SPRY3: variants seen among roughly 807,000 people sequenced by gnomAD.
SPRY3 encodes the protein sprouty RTK signaling antagonist 3.
A neutral mutation model predicts 20.2 loss-of-function variants in SPRY3; 15 were observed. The observed-to-expected ratio is 0.74, with a 90% CI of 0.50 to 1.14. The LOEUF is 1.14. Ranked by LOEUF, SPRY3 falls within the 50% of genes most tolerant of loss-of-function variation. SPRY3 has a pLI of 0.00. For missense variants in SPRY3, 364 were observed against 363.9 expected (o/e 1.00, Z 0.00); for synonymous variants, 143 against 136.5 (o/e 1.05, Z -0.33).
intron 2 of SPRY3, among the ~76,000 whole-genome samples, chrX:155,747,930 G>A (rs983266088): frequency 1.7e-4 from 26 of 151,790 alleles, no homozygotes; most frequent in African/African-American, 4.8e-4. Context: ...CTCTAAAAAT[G>A]TCTAAATACT....
intron 1 of SPRY3, among the ~76,000 whole-genome samples, chrX:155,613,834 G>A (rs2067840568): frequency 1.8e-5 from 2 of 110,943 alleles, no homozygotes; most frequent in African/African-American, 6.6e-5. Flanking sequence ...ATGCCCAATG[G>A]ATCTCGTACA....
chrX:155,760,099 G>A (rs985237313), intron 2 of SPRY3, among the ~76,000 whole-genome samples: 5 of 152,202 alleles, frequency 3.3e-5, no homozygotes, highest in Non-Finnish European at 7.3e-5. Context: ...TGAGCCCCTT[G>A]AGGGCAGAGC....
chrX:155,732,912 G>A (rs894373693), intron 2 of SPRY3, among the ~76,000 whole-genome samples: 12 of 151,802 alleles, frequency 7.9e-5, no homozygotes, highest in African/African-American at 2.4e-4. Flanking sequence ...GACAATCTTC[G>A]CTTTCATTTT....
intron 2 of SPRY3, among the ~76,000 whole-genome samples, chrX:155,672,554 G>A (rs1472693895): frequency 1.8e-5 from 2 of 110,909 alleles, no homozygotes; most frequent in Non-Finnish European, 3.8e-5. Context: ...TCATTAAAAA[G>A]TCAGGAAACA....
Position 155,697,182 on chromosome X carries a change from T to C in SPRY3, c.-282+40157T>C, listed in dbSNP as rs192521690. Among the ~76,000 whole-genome samples, 115 of 111,361 alleles carry C rather than the reference T, an allele frequency of 1.0e-3. 1 individual carries two copies. The highest frequency in any genetic ancestry group is 1.3e-3 in the Non-Finnish European group (68 of 53,033). ...GACATGAGGTTAGCATTAGAATTGT[T>C]AGACTGAATAAAAATATTGCCCTTC... On this transcript the variant is annotated intron_variant, in intron 2 of 3. Coordinates refer to ENST00000675360, the Ensembl canonical transcript of SPRY3.
chrX:155,678,550 A>G (rs1406503175), intron 2 of SPRY3, among the ~76,000 whole-genome samples: 1 of 111,659 alleles, frequency 9.0e-6, no homozygotes, highest in Admixed American at 9.5e-5. Context: ...AGAGCTCCCA[A>G]ATCAGCCCTT....
chrX:155,780,367 C>T (rs1261680315), downstream of SPRY3: 2 of 166,874 alleles, frequency 1.2e-5, no homozygotes, highest in Admixed American at 6.6e-5. Flanking sequence ...TGGGGTTGAC[C>T]ATATGTGAAC....
intron 2 of SPRY3, among the ~76,000 whole-genome samples, chrX:155,751,940 A>AAAT (rs1438226227): frequency 5.0e-5 from 2 of 40,216 alleles, no homozygotes; most frequent in Admixed American, 2.7e-4. Flanking sequence ...AAATAAAATA[A>AAAT]AATAAAATAA....
intron 1 of SPRY3, among the ~76,000 whole-genome samples, chrX:155,620,965 C>T (rs2067869152): frequency 8.9e-6 from 1 of 111,873 alleles, no homozygotes; most frequent in Non-Finnish European, 1.9e-5. Flanking sequence ...ACTGGTGTGA[C>T]GAGGAAACCT....
intron 2 of SPRY3, among the ~76,000 whole-genome samples, chrX:155,766,571 T>C (rs1387756430): frequency 3.9e-5 from 6 of 152,194 alleles, no homozygotes; most frequent in Non-Finnish European, 8.8e-5. Context: ...TCCATTGAAA[T>C]AGGACTTGAA....
At chrX:155,736,100 C>A (rs2091167379) in intron 2 of SPRY3, among the ~76,000 whole-genome samples, 1 of 151,930 alleles carries the variant, frequency 6.6e-6, no homozygotes, top group Admixed American at 6.6e-5. Flanking sequence ...AAAAAATATT[C>A]CTAGTTCCTC....
intron 2 of SPRY3, among the ~76,000 whole-genome samples, chrX:155,753,645 A>C (rs2091272785): frequency 1.3e-5 from 2 of 151,878 alleles, no homozygotes; most frequent in Admixed American, 1.3e-4. Context: ...TTTCAAGAAA[A>C]TTCCAAACTG....
At chrX:155,686,264 T>C (rs373411651) in intron 2 of SPRY3, among the ~76,000 whole-genome samples, 25 of 111,738 alleles carry the variant, frequency 2.2e-4, no homozygotes, top group Non-Finnish European at 4.5e-4. Context: ...TGGCATCTAT[T>C]GTCCTTTCCC....
rs183388072 is a variant in SPRY3 at position 155,768,479 on chromosome X, C to T, written c.-107+343C>T. Among the ~76,000 whole-genome samples the T allele has an allele frequency of 3.9e-5, 6 of 152,126 alleles. 1 individual carries two copies. Among genetic ancestry groups the T allele is most frequent in the Admixed American group, 3.9e-4 (6 of 15,268 alleles). ...CCCCTCAAAACGCAGCCTAACCACC[C>T]AAGCTGAGGACAGAGAGAGAGCCCG... On this transcript the variant is annotated intron_variant, in intron 3 of 3. Transcript: ENST00000675360.
At chrX:155,762,102 T>G (rs1447286843) in intron 2 of SPRY3, among the ~76,000 whole-genome samples, 1 of 152,142 alleles carries the variant, frequency 6.6e-6, no homozygotes, top group African/African-American at 2.4e-5. Flanking sequence ...TTCTAAAGAA[T>G]AACTCAAAGA....
At chrX:155,765,232 G>C (rs1019696923) in intron 2 of SPRY3, among the ~76,000 whole-genome samples, 10 of 152,126 alleles carry the variant, frequency 6.6e-5, no homozygotes, top group African/African-American at 2.4e-4. Flanking sequence ...ATCCCTGAAG[G>C]GATTTGCAGA....
chrX:155,774,815 G>A, exon 4 of SPRY3: 1 of 1,498,602 alleles, frequency 6.7e-7, no homozygotes, highest in South Asian at 1.3e-5. Context: ...CTTTGGAGAG[G>A]GGGAGGAGTG....
intron 2 of SPRY3, among the ~76,000 whole-genome samples, chrX:155,765,943 C>A (rs984333492): frequency 2.0e-5 from 3 of 152,120 alleles, no homozygotes; most frequent in Non-Finnish European, 4.4e-5. Context: ...AAAATTTGAA[C>A]CCTGATCTAT....
intron 2 of SPRY3, 67 bp from the exon 2 acceptor site, chrX:155,767,895 T>TC (rs991893955): frequency 4.3e-4 from 66 of 152,946 alleles, no homozygotes; most frequent in African/African-American, 1.6e-3. Context: ...ACTCGCCCCC[T>TC]CCCCCGTTTT....
Sources: gnomAD v4.1 joint callset for allele counts (sites outside exome capture counted in the v4.1 genomes callset) on GRCh38, gnomAD v4.1.1 for gene constraint, MANE v1.5 for transcripts, NCBI Gene and HGNC (gene_info 2026-07-23, HGNC 2026-07-21) for gene names.